Variants in FYTTD1 observed in about 807,000 individuals in gnomAD.
FYTTD1 encodes the protein forty-two-three domain containing 1.
In FYTTD1, 22 loss-of-function variants were observed where a neutral mutation model predicts 40.9. The ratio of observed to expected loss-of-function variants is 0.54; its 90% confidence interval spans 0.38 to 0.77. The LOEUF is 0.77. Among genes scored for constraint, FYTTD1 ranks in the 30% least tolerant of loss-of-function variants. FYTTD1 has a pLI of 0.00. For missense variants in FYTTD1, 351 were observed against 392.2 expected (o/e 0.90, Z 0.89); for synonymous variants, 140 against 137.9 (o/e 1.01, Z -0.10).
chr3:197,776,498 C>T (rs1368026457), intron 6 of FYTTD1, among the ~76,000 whole-genome samples: 7 of 148,848 alleles, frequency 4.7e-5, no homozygotes, highest in African/African-American at 1.7e-4. Context: ...GCTGGGATTA[C>T]AGGTGTGAGC....
At chr3:197,767,225 C>T (rs535745694) in intron 2 of FYTTD1, among the ~76,000 whole-genome samples, 4 of 152,092 alleles carry the variant, frequency 2.6e-5, no homozygotes, top group Non-Finnish European at 4.4e-5. Context: ...CTGCAAGCTC[C>T]GCCTCCCAGT....
In FYTTD1 at chr3:197,749,912, G is replaced by T; in HGVS notation, c.-60G>T. 9.1e-7 allele frequency: 1 copy of T among 1,104,356 alleles called. No homozygotes were observed. The highest frequency in any genetic ancestry group is 1.3e-6 in the Non-Finnish European group (1 of 793,124). 68.4% of individuals were successfully genotyped at this position (1,104,356 alleles called of 1,614,324 possible). A position where few individuals can be genotyped will look rare whatever the true frequency, so the allele number is the denominator to read the frequency against. On this transcript the variant is annotated 5_prime_UTR_variant, in exon 1 of 9. It adds an upstream start codon to the 5' untranslated region. Transcript: ENST00000241502. ...CGGCGGGCTGCGTGCGCGAGTGGGAGGTGGCAGGCCTGCGACTCCGGCCTT... is the reference window on the plus strand; with the variant it reads ...CGGCGGGCTGCGTGCGCGAGTGGGATGTGGCAGGCCTGCGACTCCGGCCTT...
rs1337966710 is a variant in FYTTD1, at chr3:197,768,457, T to C, written c.254T>C (p.Leu85Pro). Residue 85 changes from leucine to proline, a missense_variant, in exon 3 of 9, where the codon CTG (leucine) becomes CCG (proline). By Grantham distance (98) the Leu-to-Pro change is moderately conservative. Transcript: ENST00000241502. ...QQNSGFGKTS[L>P]NRRGRVMPGK... ...CCTATAGGTTTTGGTAAGACTAGTCTGAATCGTAGAGGAAGAGTAATGCCT... is the reference window on the plus strand; with the variant it reads ...CCTATAGGTTTTGGTAAGACTAGTCCGAATCGTAGAGGAAGAGTAATGCCT... 6.2e-7 allele frequency: 1 copy of C among 1,611,160 alleles called. No individual in the cohort carries two copies. Among genetic ancestry groups the C allele is most frequent in the Admixed American group, 1.7e-5 (1 of 59,830 alleles).
Position 197,774,204 on chromosome 3 carries a change from C to G in FYTTD1, c.650C>G (p.Thr217Ser). ...QLLDDVVAKR[T>S]RQWRTSTTNG... ...CTAGACGATGTAGTAGCAAAGAGAA[C>G]TCGTCAGTAAGTTTCCATTTGTTTT... is the stretch of plus-strand genomic sequence containing the variant. The change falls in exon 6 of 9, where the codon ACT (threonine) becomes AGT (serine). Residue 217 changes from threonine to serine, a missense_variant. Thr to Ser is a moderately conservative substitution (Grantham distance 58, BLOSUM62 1). Transcript: ENST00000241502. The G allele has an allele frequency of 6.2e-7, 1 of 1,613,172 alleles. No homozygotes were observed. The highest frequency in any genetic ancestry group is 8.5e-7 in the Non-Finnish European group (1 of 1,179,110).
chr3:197,777,051 G>T, intron 7 of FYTTD1, 50 bp downstream of exon 7: 1 of 1,115,994 alleles, frequency 9.0e-7, no homozygotes. Flanking sequence ...CATTACATGA[G>T]ATCATAAGAA....
chr3:197,763,558 C>CT (rs1321859932), intron 2 of FYTTD1: 1 of 451,472 alleles, frequency 2.2e-6, no homozygotes, highest in South Asian at 1.6e-5. Flanking sequence ...AAGAGGATTG[C>CT]TTAAGCCAAG....
intron 6 of FYTTD1, 124 bp downstream of exon 6, chr3:197,774,334 G>A (rs1729808318): frequency 1.3e-6 from 1 of 791,318 alleles, no homozygotes; most frequent in Non-Finnish European, 2.1e-6. Context: ...CAGTCTGAAA[G>A]CTGGGCATAG....
At chr3:197,774,561 AG>A (rs1338894477) in intron 6 of FYTTD1, among the ~76,000 whole-genome samples, 3 of 151,494 alleles carry the variant, frequency 2.0e-5, no homozygotes, top group African/African-American at 7.3e-5. Context: ...CTCGATGACC[AG>A]TGCACACCAT....
intron 4 of FYTTD1, among the ~76,000 whole-genome samples, chr3:197,771,632 C>T (rs1485684722): frequency 6.6e-6 from 1 of 151,700 alleles, no homozygotes; most frequent in Non-Finnish European, 1.5e-5. Flanking sequence ...AAAAAATTAG[C>T]CGGGCGTGGT....
intron 1 of FYTTD1, chr3:197,755,776 C>G (rs775144728): frequency 3.4e-5 from 53 of 1,550,018 alleles, no homozygotes; most frequent in Middle Eastern, 1.7e-4. Flanking sequence ...GTGTGAGTCA[C>G]CATGCCTGGC....
intron 4 of FYTTD1, among the ~76,000 whole-genome samples, chr3:197,771,565 A>C (rs1729716770): frequency 6.6e-6 from 1 of 151,580 alleles, no homozygotes; most frequent in African/African-American, 2.4e-5. Flanking sequence ...TCACGAGGTC[A>C]GGAGATCGAG....
Position 197,756,536 on chromosome 3 carries a change from T to C in FYTTD1, c.214T>C (p.Trp72Arg), listed in dbSNP as rs372894710. 25 of 1,613,798 alleles carry C rather than the reference T, an allele frequency of 1.5e-5. No individual in the cohort carries two copies. The East Asian group carries it at 5.1e-4, about 33-fold the overall frequency. Residue 72 changes from tryptophan to arginine, a missense_variant, in exon 2 of 9, where the codon TGG (tryptophan) becomes CGG (arginine). Transcript: ENST00000241502. ...CCAGCAATTCAGGATGAGAGTGCGA[T>C]GGGGAATCCAACAGAATTCTGGTAA... ...GAQQFRMRVRWGIQQNSGFGK... is the reference protein window; with the variant it reads ...GAQQFRMRVRRGIQQNSGFGK...
At chr3:197,764,299 T>A (rs2109043678) in intron 2 of FYTTD1, among the ~76,000 whole-genome samples, 1 of 152,326 alleles carries the variant, frequency 6.6e-6, no homozygotes, top group African/African-American at 2.4e-5. Context: ...TTTCTTACTT[T>A]ATGTAATGTG....
chr3:197,769,831 C>G (rs1319369476), intron 3 of FYTTD1, among the ~76,000 whole-genome samples: 1 of 152,040 alleles, frequency 6.6e-6, no homozygotes, highest in African/African-American at 2.4e-5. Context: ...ACCTGTGGGT[C>G]CCCTGAGCAC....
chr3:197,769,979 C>CA lies in FYTTD1; in HGVS notation c.385-153_385-152insA, dbSNP rs1172549523. Among the ~76,000 whole-genome samples the CA allele has an allele frequency of 3.9e-5, 6 of 152,302 alleles. No individual in the cohort carries two copies. The South Asian group carries it at 1.2e-3, about 32-fold the overall frequency. ...GTTTTCATCTTTTCAGTCATGTAGA[C>CA]TGTACAGTTTCAAGTTGTTTGTTTC... On this transcript the variant is annotated intron_variant, in intron 3 of 8. Transcript: ENST00000241502.
intron 2 of FYTTD1, among the ~76,000 whole-genome samples, chr3:197,760,151 CTG>C (rs1046235800): frequency 6.6e-6 from 1 of 150,888 alleles, no homozygotes; most frequent in Non-Finnish European, 1.5e-5. Flanking sequence ...GAGTGTTCCT[CTG>C]TGGTAGAACG....
intron 4 of FYTTD1, among the ~76,000 whole-genome samples, chr3:197,771,860 G>T (rs1035758318): frequency 1.3e-5 from 2 of 151,226 alleles, no homozygotes; most frequent in African/African-American, 4.9e-5. Context: ...TTGGGAGGCC[G>T]CTGCGTGTGG....
At chr3:197,777,043 T>TG in intron 7 of FYTTD1, 42 bp downstream of exon 7, 18 of 1,155,458 alleles carry the variant, frequency 1.6e-5, no homozygotes, top group Non-Finnish European at 2.3e-5. Context: ...TAACCTCTCA[T>TG]TACATGAGAT....
chr3:197,770,218 C>A lies in FYTTD1; in HGVS notation c.471C>A (p.Leu157=), dbSNP rs187136066. ...NEGQRKPVAV[L]KRPSQLSRKN... is the part of the protein sequence containing the mutation. ...GGCAGAGGAAACCAGTAGCAGTTCT[C>A]AAGAGACCTAGCCAGCTAAGCAGAA... is the stretch of plus-strand genomic sequence containing the variant. The change falls in exon 4 of 9, where the codon CTC becomes CTA. Residue 157 remains leucine (L), a synonymous_variant. Transcript: ENST00000241502. 3.1e-6 allele frequency: 5 copies of A among 1,611,378 alleles called. No individual in the cohort carries two copies. The highest frequency in any genetic ancestry group is 4.2e-6 in the Non-Finnish European group (5 of 1,178,176).
Sources: allele counts gnomAD v4.1 joint callset (sites outside exome capture counted in the v4.1 genomes callset), GRCh38; gene constraint gnomAD v4.1.1; transcripts MANE v1.5; gene names NCBI Gene and HGNC (gene_info 2026-07-23, HGNC 2026-07-21).